The following AP1G1 variants were observed in gnomAD, a reference collection of about 807,000 sequenced individuals.
AP1G1 encodes the protein adaptor related protein complex 1 subunit gamma 1.
A neutral mutation model predicts 108.3 loss-of-function variants in AP1G1; 7 were observed. The ratio of observed to expected loss-of-function variants is 0.06; its 90% confidence interval spans 0.04 to 0.12. The LOEUF (loss-of-function observed/expected upper bound fraction) is 0.12, where lower values mean the gene tolerates loss of function less well. Among genes scored for constraint, AP1G1 ranks in the 10% least tolerant of loss-of-function variants. The pLI, the probability that AP1G1 is intolerant of heterozygous loss-of-function variation, is 1.00. For synonymous variants in AP1G1, 379 were observed against 353.5 expected (o/e 1.07, Z -0.81); for missense variants, 756 against 1,010.7 (o/e 0.75, Z 3.42).
At chr16:71,789,142 C>T in intron 2 of AP1G1, 137 bp downstream of exon 2, 1 of 794,086 alleles carries the variant, frequency 1.3e-6, no homozygotes, top group Non-Finnish European at 2.0e-6. Flanking sequence ...GGCTTGCTCT[C>T]TCAATCTTAC....
chr16:71,784,735 T>A (rs894995123), intron 2 of AP1G1, among the ~76,000 whole-genome samples: 13 of 151,758 alleles, frequency 8.6e-5, no homozygotes, highest in Admixed American at 7.9e-4. Flanking sequence ...ATTTTTGTAT[T>A]TTTAGTAGAG....
chr16:71,792,304 T>C (rs1397852762), intron 1 of AP1G1, among the ~76,000 whole-genome samples: 3 of 152,138 alleles, frequency 2.0e-5, no homozygotes, highest in Non-Finnish European at 4.4e-5. Flanking sequence ...TATGTCCCTT[T>C]TGGCATTCTA....
At chr16:71,765,697 T>C (rs774599474) in intron 6 of AP1G1, 113 bp from the exon 7 acceptor site, 113 of 762,122 alleles carry the variant, frequency 1.5e-4, no homozygotes, top group Middle Eastern at 9.3e-4. Context: ...AAGCAAATTC[T>C]ACTGATTTAA....
intron 19 of AP1G1, among the ~76,000 whole-genome samples, chr16:71,743,953 A>G (rs867381641): frequency 6.6e-6 from 1 of 150,828 alleles, no homozygotes; most frequent in South Asian, 2.1e-4. Context: ...CTCAAAAAAA[A>G]AAAAAAAAAG....
rs140916443 is a variant in AP1G1, at chr16:71,778,500, C to T, written c.202-3908G>A. On this transcript the variant is annotated intron_variant, in intron 2 of 22. Transcript: ENST00000299980. ...GAGTTCTAGACCAGCCTGCGCAACACGGTGAAACCCTGTCTCTACTGAAAT... is the reference window on the plus strand; with the variant it reads ...GAGTTCTAGACCAGCCTGCGCAACATGGTGAAACCCTGTCTCTACTGAAAT... Among the ~76,000 whole-genome samples the T allele has an allele frequency of 1.8e-4, 28 of 152,070 alleles. 1 individual carries two copies. The East Asian group carries it at 3.7e-3, about 20-fold the overall frequency.
chr16:71,797,818 A>G (rs1002872652), intron 1 of AP1G1, among the ~76,000 whole-genome samples: 3 of 152,136 alleles, frequency 2.0e-5, no homozygotes, highest in African/African-American at 7.2e-5. Flanking sequence ...AAGTTACTTA[A>G]TACTAAGATG....
intron 6 of AP1G1, among the ~76,000 whole-genome samples, chr16:71,768,916 T>TA (rs2031439043): frequency 4.8e-5 from 1 of 21,010 alleles, no homozygotes; most frequent in African/African-American, 2.8e-4. Flanking sequence ...AGACTCTGTC[T>TA]CAAAAAAAAA....
chr16:71,768,793 C>A (rs2031431916), intron 6 of AP1G1, among the ~76,000 whole-genome samples: 1 of 149,920 alleles, frequency 6.7e-6, no homozygotes, highest in Non-Finnish European at 1.5e-5. Flanking sequence ...CAGGCACCTG[C>A]AGTCCCAGCT....
chr16:71,802,318 G>C (rs1567666544), intron 1 of AP1G1, among the ~76,000 whole-genome samples: 1 of 152,100 alleles, frequency 6.6e-6, no homozygotes, highest in Non-Finnish European at 1.5e-5. Flanking sequence ...CCAGGCTGGA[G>C]TGCAGTGGCA....
At chr16:71,756,949 T>G in intron 11 of AP1G1, among the ~76,000 whole-genome samples, 1 of 135,858 alleles carries the variant, frequency 7.4e-6, no homozygotes, top group African/African-American at 2.9e-5. Context: ...AAAAAAAAAA[T>G]TCAAAGGGAA....
chr16:71,807,197 G>A (rs537050038), intron 1 of AP1G1, among the ~76,000 whole-genome samples: 9 of 151,384 alleles, frequency 5.9e-5, no homozygotes, highest in African/African-American at 2.2e-4. Context: ...AGGCCGAGGC[G>A]GGCGGATTAC....
intron 2 of AP1G1, among the ~76,000 whole-genome samples, chr16:71,786,795 G>A (rs1244045718): frequency 1.3e-5 from 2 of 152,128 alleles, no homozygotes; most frequent in East Asian, 1.9e-4. Context: ...GGGCACAATA[G>A]TGCACGCCTG....
chr16:71,752,456 A>C (rs746085209), intron 13 of AP1G1, among the ~76,000 whole-genome samples: 13 of 152,206 alleles, frequency 8.5e-5, no homozygotes, highest in African/African-American at 2.9e-4. Flanking sequence ...TCATAATTTC[A>C]TAAGTCAACA....
intron 1 of AP1G1, among the ~76,000 whole-genome samples, chr16:71,799,849 A>C (rs2032720579): frequency 6.6e-6 from 1 of 151,628 alleles, no homozygotes; most frequent in Non-Finnish European, 1.5e-5. Flanking sequence ...CAGTGAGCCG[A>C]GACTGCGCCA....
At chr16:71,786,607 C>A (rs1213647526) in intron 2 of AP1G1, among the ~76,000 whole-genome samples, 2 of 152,048 alleles carry the variant, frequency 1.3e-5, no homozygotes, top group East Asian at 1.9e-4. Context: ...ACTACAGGCA[C>A]GCACCACCAT....
chr16:71,757,662 T>C (rs2030870658), intron 11 of AP1G1, among the ~76,000 whole-genome samples: 1 of 152,188 alleles, frequency 6.6e-6, no homozygotes, highest in African/African-American at 2.4e-5. Flanking sequence ...TTTAAGTAAT[T>C]TGACCCAGTC....
intron 1 of AP1G1, among the ~76,000 whole-genome samples, chr16:71,792,481 G>A (rs2032440596): frequency 6.6e-6 from 1 of 152,086 alleles, no homozygotes; most frequent in Non-Finnish European, 1.5e-5. Context: ...ATGTGAGTCC[G>A]TATTTTGGCC....
At chr16:71,761,816 C>CAAAA (rs375647068) in intron 9 of AP1G1, among the ~76,000 whole-genome samples, 4 of 44,828 alleles carry the variant, frequency 8.9e-5, no homozygotes, top group Middle Eastern at 0.012. Flanking sequence ...GACTCCATCT[C>CAAAA]AAAAAAAAAA....
chr16:71,786,292 TC>T (rs931526765), intron 2 of AP1G1, among the ~76,000 whole-genome samples: 12 of 151,960 alleles, frequency 7.9e-5, no homozygotes, highest in Non-Finnish European at 1.3e-4. Context: ...AAATGAAATA[TC>T]CCCCAAAGTC....
Sources: gnomAD v4.1 joint callset for allele counts (sites outside exome capture counted in the v4.1 genomes callset) on GRCh38, gnomAD v4.1.1 for gene constraint, MANE v1.5 for transcripts, NCBI Gene and HGNC (gene_info 2026-07-23, HGNC 2026-07-21) for gene names.